The following ZFHX3 variants were observed in gnomAD, a reference collection of about 807,000 sequenced individuals.
ZFHX3 encodes the protein zinc finger homeobox 3, also known as zinc finger homeobox protein 3.
In ZFHX3, 42 loss-of-function variants were observed where a neutral mutation model predicts 279.1. The observed-to-expected ratio is 0.15, with a 90% CI of 0.12 to 0.19. The LOEUF (loss-of-function observed/expected upper bound fraction) is 0.19, where lower values mean the gene tolerates loss of function less well. Among genes scored for constraint, ZFHX3 ranks in the 10% least tolerant of loss-of-function variants. The probability of loss-of-function intolerance (pLI) is 1.00; values close to 1 mark genes in which losing one functional copy is unlikely to be tolerated. For synonymous variants in ZFHX3, 2,293 were observed against 1,957.8 expected, an observed-to-expected ratio of 1.17 and a Z score of -4.52; for missense variants, 4,981 against 4,754.0, an observed-to-expected ratio of 1.05 and a Z score of -1.40.
chr16:72,800,188 G>A (rs1178036871), intron 7 of ZFHX3, 59 bp from the exon 8 acceptor site: 8 of 1,460,290 alleles, frequency 5.5e-6, no homozygotes, highest in Non-Finnish European at 5.7e-6. Flanking sequence ...AATAGGAAAT[G>A]TTTAAAAATT....
At chr16:73,328,238 G>C (rs1030058480) in intron 3 of ZFHX3, among the ~76,000 whole-genome samples, 2 of 152,084 alleles carry the variant, frequency 1.3e-5, no homozygotes, top group Non-Finnish European at 1.5e-5. Flanking sequence ...CAGAGAAGTG[G>C]TAGAAACTGG....
chr16:73,138,761 C>T (rs895601951), intron 6 of ZFHX3, among the ~76,000 whole-genome samples: 1 of 152,118 alleles, frequency 6.6e-6, no homozygotes, highest in Non-Finnish European at 1.5e-5. Flanking sequence ...GATCATGGCT[C>T]ACTGCAGCCT....
At chr16:72,833,103 G>A (rs553362743) in intron 4 of ZFHX3, among the ~76,000 whole-genome samples, 18 of 152,190 alleles carry the variant, frequency 1.2e-4, no homozygotes, top group Admixed American at 3.3e-4. Flanking sequence ...TATTGGTTCC[G>A]AAAGCATAAA....
rs75857832 is a variant in ZFHX3 at position 73,317,889 on chromosome 16, T to C, written c.-1194+351A>G. Among the ~76,000 whole-genome samples the C allele has an allele frequency of 3.9e-3, 595 of 152,302 alleles. 24 individuals are homozygous for C. The South Asian group carries it at 0.074, about 19-fold the overall frequency. On this transcript the variant is annotated intron_variant, in intron 4 of 17. Coordinates refer to the ZFHX3 transcript ENST00000641206. ...TAAAAGTGGATAGAGGGAATTCCCA[T>C]TCCCAATCTTTCCCAGAGCATTTCT...
intron 5 of ZFHX3, among the ~76,000 whole-genome samples, chr16:72,821,278 C>A (rs953909114): frequency 3.9e-5 from 6 of 152,166 alleles, no homozygotes. Context: ...CAGGTCCCTG[C>A]AAGGCTGGAA....
intron 1 of ZFHX3, among the ~76,000 whole-genome samples, chr16:72,968,446 T>C (rs1392748778): frequency 6.7e-6 from 1 of 148,602 alleles, no homozygotes; most frequent in African/African-American, 2.5e-5. Context: ...TAGTGGCATA[T>C]GAATGTTAAT....
chr16:73,784,816 T>TACACACACACACACAC (rs58711157), intron 1 of ZFHX3, among the ~76,000 whole-genome samples: 1 of 135,510 alleles, frequency 7.4e-6, no homozygotes, highest in African/African-American at 2.9e-5. Flanking sequence ...TATATATATA[T>TACACACACACACACAC]ACACACACAC....
At chr16:73,833,251 T>C (rs1961047704) in intron 1 of ZFHX3, among the ~76,000 whole-genome samples, 1 of 152,120 alleles carries the variant, frequency 6.6e-6, no homozygotes, top group African/African-American at 2.4e-5. Context: ...TAGTCTTACC[T>C]ACTTGGGAGG....
intron 5 of ZFHX3, among the ~76,000 whole-genome samples, chr16:73,183,221 A>G (rs1480087071): frequency 6.6e-6 from 1 of 152,162 alleles, no homozygotes; most frequent in Admixed American, 6.5e-5. Flanking sequence ...AACAAAAAAA[A>G]TTACCTCTTA....
intron 4 of ZFHX3, among the ~76,000 whole-genome samples, chr16:73,316,504 T>C (rs2015452114): frequency 2.0e-5 from 3 of 152,192 alleles, no homozygotes; most frequent in South Asian, 4.1e-4. Flanking sequence ...ATTTAAGTCA[T>C]CTCTACCATT....
intron 1 of ZFHX3, among the ~76,000 whole-genome samples, chr16:72,977,388 G>A (rs983822120): frequency 5.9e-5 from 9 of 152,188 alleles, no homozygotes; most frequent in Non-Finnish European, 1.3e-4. Context: ...CACGTGACCA[G>A]TGTCCATTTA....
chr16:73,835,829 G>T (rs957307656), intron 1 of ZFHX3, among the ~76,000 whole-genome samples: 4 of 152,056 alleles, frequency 2.6e-5, no homozygotes, highest in Non-Finnish European at 5.9e-5. Context: ...TAAATTTCCT[G>T]TTTTCTCTTG....
exon 1 of ZFHX3, chr16:73,059,332 AAC>A (rs71391480): frequency 0.69 from 101,087 of 146,010 alleles, 35,261 homozygotes; most frequent in South Asian, 0.83. Flanking sequence ...ATGTATTAAA[AAC>A]ACACACACAC....
chr16:73,364,499 T>C (rs1465729586), intron 3 of ZFHX3, among the ~76,000 whole-genome samples: 2 of 152,142 alleles, frequency 1.3e-5, no homozygotes, highest in African/African-American at 4.8e-5. Context: ...AGAGATTATA[T>C]GTATAATCAC....
chr16:73,055,653 G>A (rs1439033750), intron 1 of ZFHX3, among the ~76,000 whole-genome samples: 43 of 151,320 alleles, frequency 2.8e-4, no homozygotes, highest in East Asian at 2.0e-4. Context: ...CTCCCCCAGT[G>A]AAGACACCCA....
intron 1 of ZFHX3, among the ~76,000 whole-genome samples, chr16:73,795,180 G>A (rs1260233807): frequency 1.3e-5 from 2 of 152,208 alleles, no homozygotes; most frequent in East Asian, 1.9e-4. Context: ...AGTCTGGGAG[G>A]AGGATCAAAT....
intron 1 of ZFHX3, among the ~76,000 whole-genome samples, chr16:73,037,250 C>T (rs141198671): frequency 6.6e-6 from 1 of 152,168 alleles, no homozygotes; most frequent in Non-Finnish European, 1.5e-5. Flanking sequence ...ATTCAAATAT[C>T]CGGTTGCTAT....
At chr16:73,255,142 A>G (rs2013628294) in intron 5 of ZFHX3, among the ~76,000 whole-genome samples, 1 of 152,268 alleles carries the variant, frequency 6.6e-6, no homozygotes, top group Non-Finnish European at 1.5e-5. Context: ...CCACATTGGC[A>G]GTAATTCAAC....
chr16:73,584,080 A>T (rs1001202619), intron 2 of ZFHX3, among the ~76,000 whole-genome samples: 17 of 152,214 alleles, frequency 1.1e-4, no homozygotes, highest in Non-Finnish European at 2.2e-4. Context: ...GAATTAGTGA[A>T]TTGGAAGATC....
Sources: gnomAD v4.1 joint callset for allele counts (sites outside exome capture counted in the v4.1 genomes callset) on GRCh38, gnomAD v4.1.1 for gene constraint, MANE v1.5 for transcripts, NCBI Gene and HGNC (gene_info 2026-07-23, HGNC 2026-07-21) for gene names.